FAM174A: variants seen among roughly 807,000 people sequenced by gnomAD.
The protein encoded by FAM174A is membrane protein FAM174A.
FAM174A carries 14 observed loss-of-function variants against 14.3 expected under a neutral mutation model. The observed-to-expected ratio is 0.98, with a 90% CI of 0.65 to 1.53. FAM174A has a LOEUF of 1.53. FAM174A is among the 40% of genes most tolerant of loss of function. The pLI, the probability that FAM174A is intolerant of heterozygous loss-of-function variation, is 0.00. For missense variants in FAM174A, 241 were observed against 249.6 expected (o/e 0.97, Z 0.23); for synonymous variants, 108 against 111.4 (o/e 0.97, Z 0.19).
chr5:100,548,962 G>T (rs763768497), intron 1 of FAM174A, among the ~76,000 whole-genome samples: 1 of 151,696 alleles, frequency 6.6e-6, no homozygotes, highest in Non-Finnish European at 1.5e-5. Flanking sequence ...TACAAATATT[G>T]TTATGTATTA....
At chr5:100,567,257 A>C (rs1746674145) in intron 2 of FAM174A, among the ~76,000 whole-genome samples, 1 of 151,846 alleles carries the variant, frequency 6.6e-6, no homozygotes, top group African/African-American at 2.4e-5. Flanking sequence ...GGAACAGCAC[A>C]TTACTATTTA....
At chr5:100,578,520 A>G (rs1349550470) in intron 2 of FAM174A, among the ~76,000 whole-genome samples, 2 of 152,206 alleles carry the variant, frequency 1.3e-5, no homozygotes, top group Non-Finnish European at 2.9e-5. Flanking sequence ...ACATCCAGCA[A>G]ATAATTGATC....
At chr5:100,563,250 C>T (rs247937) in intron 2 of FAM174A, among the ~76,000 whole-genome samples, 85,794 of 151,540 alleles carry the variant, frequency 0.57, 26,671 homozygotes, top group African/African-American at 0.81. Context: ...ATCTGTTCTT[C>T]AGGCACTCAC....
intron 2 of FAM174A, among the ~76,000 whole-genome samples, chr5:100,574,575 A>C (rs182016468): frequency 3.9e-5 from 6 of 152,252 alleles, no homozygotes; most frequent in Admixed American, 3.9e-4. Context: ...ACTAAGTCCT[A>C]TTTCAGCTAT....
chr5:100,555,980 C>T (rs1464995848), intron 1 of FAM174A, among the ~76,000 whole-genome samples: 1 of 152,126 alleles, frequency 6.6e-6, no homozygotes, highest in South Asian at 2.1e-4. Context: ...GCTTTTGTTG[C>T]CATTGCTTTT....
chr5:100,568,936 A>G (rs973286481), intron 2 of FAM174A, among the ~76,000 whole-genome samples: 1 of 142,324 alleles, frequency 7.0e-6, no homozygotes, highest in East Asian at 1.9e-4. Context: ...TTCCTTTCCT[A>G]TTTTTATTTT....
At chr5:100,565,205 C>G (rs913632389) in intron 2 of FAM174A, among the ~76,000 whole-genome samples, 4 of 151,750 alleles carry the variant, frequency 2.6e-5, no homozygotes, top group African/African-American at 9.7e-5. Flanking sequence ...TATCTTTCAA[C>G]ACATGCAAAT....
At chr5:100,580,175 C>T (rs1478088569) in intron 2 of FAM174A, among the ~76,000 whole-genome samples, 1 of 152,112 alleles carries the variant, frequency 6.6e-6, no homozygotes, top group East Asian at 1.9e-4. Context: ...CCAATGGCAA[C>T]TATGTAAGAA....
intron 2 of FAM174A, among the ~76,000 whole-genome samples, chr5:100,579,473 G>T (rs561608498): frequency 6.6e-6 from 1 of 151,986 alleles, no homozygotes; most frequent in African/African-American, 2.4e-5. Flanking sequence ...CACCCAGGCT[G>T]GAGTGCGATG....
In FAM174A at chr5:100,537,545, A is replaced by G. The variant is rs116385709; in HGVS notation, c.434+1581A>G. 8.1e-3 allele frequency among the ~76,000 whole-genome samples: 1,232 copies of G among 152,310 alleles called. 14 individuals are homozygous for G. The highest frequency in any genetic ancestry group is 0.028 in the African/African-American group (1,173 of 41,582). ...TTCCTGAACAATTTTAAGAATGTAA[A>G]GAAATCCAAAACAGCAGGCGTAAGC... is the stretch of plus-strand genomic sequence containing the variant. On this transcript the variant is annotated intron_variant, in intron 1 of 2. Coordinates refer to ENST00000312637, the MANE Select transcript of FAM174A (RefSeq NM_198507.3).
chr5:100,545,528 C>T (rs1746148440), intron 1 of FAM174A, among the ~76,000 whole-genome samples: 1 of 151,980 alleles, frequency 6.6e-6, no homozygotes, highest in Admixed American at 6.6e-5. Context: ...TGTAGCCAAA[C>T]TGTATTATGT....
intron 1 of FAM174A, among the ~76,000 whole-genome samples, chr5:100,546,691 G>T (rs1746170274): frequency 6.6e-6 from 1 of 152,104 alleles, no homozygotes; most frequent in South Asian, 2.1e-4. Context: ...CTATCTCCCT[G>T]TGCTATCTTA....
chr5:100,568,122 TTGTC>T (rs1561320872), intron 2 of FAM174A, among the ~76,000 whole-genome samples: 1 of 151,978 alleles, frequency 6.6e-6, no homozygotes, highest in Non-Finnish European at 1.5e-5. Context: ...CCCTTCTTCC[TTGTC>T]TATCTATCAT....
intron 2 of FAM174A, among the ~76,000 whole-genome samples, chr5:100,580,704 G>A (rs2112405186): frequency 6.6e-6 from 1 of 152,250 alleles, no homozygotes; most frequent in African/African-American, 2.4e-5. Context: ...TCAATACTTT[G>A]TATCCTTCAG....
At chr5:100,555,844 C>G (rs866501445) in intron 1 of FAM174A, among the ~76,000 whole-genome samples, 1 of 151,782 alleles carries the variant, frequency 6.6e-6, no homozygotes, top group Middle Eastern at 3.2e-3. Context: ...AGATATTAGC[C>G]CTTTGTCAGA....
chr5:100,563,996 T>C (rs1450981995), intron 2 of FAM174A, among the ~76,000 whole-genome samples: 1 of 151,864 alleles, frequency 6.6e-6, no homozygotes, highest in East Asian at 1.9e-4. Context: ...GGTGCTGTCC[T>C]TGTGATAGTG....
chr5:100,566,759 G>GTTCTCCATC lies in FAM174A; in HGVS notation c.569+4572_569+4573insTCTCCATCT, dbSNP rs1272328210. ...ATTTTTATTTACCAATTATACCTCA[G>GTTCTCCATC]TAAAGATGGAGAAATAAAAAGTTCA... On this transcript the variant is annotated intron_variant, in intron 2 of 2. Transcript: ENST00000312637. Among the ~76,000 whole-genome samples the GTTCTCCATC allele has an allele frequency of 2.0e-5, 3 of 151,908 alleles. No individual in the cohort carries two copies. The East Asian group carries it at 5.8e-4, about 29-fold the overall frequency.
At chr5:100,568,028 GTTAGAACATAA>G (rs1746701069) in intron 2 of FAM174A, among the ~76,000 whole-genome samples, 1 of 151,914 alleles carries the variant, frequency 6.6e-6, no homozygotes, top group South Asian at 2.1e-4. Flanking sequence ...CGTTATGAAA[GTTAGAACATAA>G]TTATTTTCAA....
chr5:100,572,416 A>G (rs978571496), intron 2 of FAM174A, among the ~76,000 whole-genome samples: 29 of 88,762 alleles, frequency 3.3e-4, no homozygotes, highest in African/African-American at 1.1e-3. Flanking sequence ...CCCACCCCAC[A>G]ACAGTCCCCA....
Sources: gnomAD v4.1 joint callset for allele counts (sites outside exome capture counted in the v4.1 genomes callset) on GRCh38, gnomAD v4.1.1 for gene constraint, MANE v1.5 for transcripts, NCBI Gene and HGNC (gene_info 2026-07-23, HGNC 2026-07-21) for gene names.